The following CSMD3 variants were observed in gnomAD, a reference collection of about 807,000 sequenced individuals.
CSMD3 encodes the protein CUB and sushi domain-containing protein 3.
In CSMD3, 177 loss-of-function variants were observed where a neutral mutation model predicts 435.2. The ratio of observed to expected loss-of-function variants is 0.41; its 90% CI spans 0.36 to 0.46. The LOEUF is 0.46. Among genes scored for constraint, CSMD3 ranks in the 20% least tolerant of loss-of-function variants. CSMD3 has a pLI of 0.34. For missense variants in CSMD3, 4,265 were observed against 4,504.6 expected, an observed-to-expected ratio of 0.95 and a Z score of 1.52; for synonymous variants, 1,656 against 1,520.5, an observed-to-expected ratio of 1.09 and a Z score of -2.07.
At chr8:112,838,983 A>G (rs1564012060) in intron 11 of CSMD3, among the ~76,000 whole-genome samples, 1 of 151,838 alleles carries the variant, frequency 6.6e-6, no homozygotes, top group Non-Finnish European at 1.5e-5. Flanking sequence ...AAAATAATAA[A>G]TATCTCATAT....
At chr8:113,188,730 C>A (rs1588235932) in intron 3 of CSMD3, among the ~76,000 whole-genome samples, 1 of 152,006 alleles carries the variant, frequency 6.6e-6, no homozygotes, top group Non-Finnish European at 1.5e-5. Flanking sequence ...ATAAAGCTTC[C>A]ATTAATAAAA....
Position 112,595,281 on chromosome 8 carries a change from C to T in CSMD3, c.3716-8046G>A, listed in dbSNP as rs1015785460. On this transcript the variant is annotated intron_variant, in intron 22 of 70. Coordinates refer to ENST00000297405, the MANE Select transcript of CSMD3 (RefSeq NM_198123.2). ...AGGGTATCAGCAATGGAAGATGAAACGAATGAAATGAAGCGAGAAGGGAAG... is the reference window on the plus strand; with the variant it reads ...AGGGTATCAGCAATGGAAGATGAAATGAATGAAATGAAGCGAGAAGGGAAG... 1.7e-4 allele frequency among the ~76,000 whole-genome samples: 26 copies of T among 151,728 alleles called. No homozygotes were observed. The East Asian group carries it at 2.9e-3, about 17-fold the overall frequency.
Position 112,265,392 on chromosome 8 carries a change from G to A in CSMD3, c.9688+19C>T, listed in dbSNP as rs2130408343. The A allele has an allele frequency of 6.3e-7, 1 of 1,575,236 alleles. No homozygotes were observed. Among genetic ancestry groups the A allele is most frequent in the Non-Finnish European group, 8.7e-7 (1 of 1,145,404 alleles). On this transcript the variant is annotated intron_variant, in intron 60 of 70. Coordinates refer to ENST00000297405, the MANE Select transcript of CSMD3 (RefSeq NM_198123.2). ...GTACTGGTTACCATTTTTAAATGTT[G>A]AAGAAATCATTATCATACCTCTACA... is the stretch of plus-strand genomic sequence containing the variant.
intron 13 of CSMD3, among the ~76,000 whole-genome samples, chr8:112,715,281 G>A (rs905506971): frequency 2.0e-5 from 3 of 152,058 alleles, no homozygotes; most frequent in South Asian, 4.1e-4. Context: ...TACCATCAGA[G>A]AATACTATAA....
At chr8:112,626,109 A>G (rs1834452883) in intron 22 of CSMD3, among the ~76,000 whole-genome samples, 1 of 152,146 alleles carries the variant, frequency 6.6e-6, no homozygotes, top group South Asian at 2.1e-4. Flanking sequence ...TAAAGACAAA[A>G]TATCAAAAAA....
At chr8:112,590,372 G>A (rs1343069140) in intron 22 of CSMD3, among the ~76,000 whole-genome samples, 1 of 151,808 alleles carries the variant, frequency 6.6e-6, no homozygotes, top group Non-Finnish European at 1.5e-5. Flanking sequence ...AATTAAAGGT[G>A]AAGGGAGAAG....
intron 32 of CSMD3, among the ~76,000 whole-genome samples, chr8:112,449,661 T>C (rs188016364): frequency 5.9e-4 from 90 of 152,344 alleles, no homozygotes; most frequent in Non-Finnish European, 1.0e-3. Flanking sequence ...ACCTGTCTCA[T>C]ATCTTATGGT....
intron 31 of CSMD3, among the ~76,000 whole-genome samples, chr8:112,492,264 A>G (rs1248074246): frequency 2.0e-5 from 3 of 152,110 alleles, no homozygotes; most frequent in Non-Finnish European, 4.4e-5. Flanking sequence ...TTTGCCTATT[A>G]TAGTACACAT....
chr8:113,286,820 T>TAATTTAAATTA (rs1341916321), intron 2 of CSMD3, among the ~76,000 whole-genome samples: 11 of 151,984 alleles, frequency 7.2e-5, no homozygotes, highest in Non-Finnish European at 1.5e-4. Context: ...AAGAGGTTAT[T>TAATTTAAATTA]AGCATATTGC....
intron 11 of CSMD3, among the ~76,000 whole-genome samples, chr8:112,840,581 G>C (rs1390950573): frequency 6.6e-6 from 1 of 151,646 alleles, no homozygotes; most frequent in Non-Finnish European, 1.5e-5. Context: ...TGTTTAAGGT[G>C]ATAAATATAA....
intron 35 of CSMD3, among the ~76,000 whole-genome samples, chr8:112,405,788 TC>T (rs1831801048): frequency 6.6e-6 from 1 of 152,088 alleles, no homozygotes; most frequent in South Asian, 2.1e-4. Flanking sequence ...GCAAAATATT[TC>T]CAGAAAAGTC....
At chr8:112,269,943 A>C (rs1415518883) in intron 59 of CSMD3, among the ~76,000 whole-genome samples, 2 of 152,186 alleles carry the variant, frequency 1.3e-5, no homozygotes, top group Non-Finnish European at 2.9e-5. Flanking sequence ...CCCACCCAGG[A>C]GGCAACTAGT....
chr8:112,529,007 G>A (rs185617507), intron 27 of CSMD3, among the ~76,000 whole-genome samples: 58 of 152,138 alleles, frequency 3.8e-4, no homozygotes, highest in African/African-American at 1.4e-3. Flanking sequence ...AAGCTTCCCT[G>A]CTGCTCAGAT....
chr8:112,542,427 C>CA (rs567705959), intron 27 of CSMD3, among the ~76,000 whole-genome samples: 172 of 149,534 alleles, frequency 1.2e-3, no homozygotes, highest in African/African-American at 3.7e-3. Flanking sequence ...AAGACTTTAT[C>CA]AAAAAAACTG....
At chr8:112,420,473 C>T (rs1812360767) in intron 32 of CSMD3, among the ~76,000 whole-genome samples, 2 of 151,974 alleles carry the variant, frequency 1.3e-5, no homozygotes, top group Non-Finnish European at 2.9e-5. Flanking sequence ...CCTGATTTTA[C>T]CCAAAAATAG....
intron 3 of CSMD3, among the ~76,000 whole-genome samples, chr8:113,208,115 T>C (rs1375141745): frequency 6.6e-6 from 1 of 152,166 alleles, no homozygotes; most frequent in Non-Finnish European, 1.5e-5. Flanking sequence ...GAAACGTTAT[T>C]TTAACCAAAA....
intron 32 of CSMD3, among the ~76,000 whole-genome samples, chr8:112,440,470 T>C (rs944342344): frequency 6.6e-6 from 1 of 152,122 alleles, no homozygotes. Context: ...GATCTACCAT[T>C]GTGGGATCTG....
chr8:112,505,916 T>A (rs936221417), intron 29 of CSMD3, among the ~76,000 whole-genome samples: 4 of 152,218 alleles, frequency 2.6e-5, no homozygotes, highest in African/African-American at 9.6e-5. Context: ...TCATGTAATA[T>A]GTCCTTCTAC....
At chr8:112,241,846 ACACACACACACG>A (rs1814194232) in intron 65 of CSMD3, 61 bp from the exon 66 acceptor site, 5 of 735,774 alleles carry the variant, frequency 6.8e-6, no homozygotes, top group East Asian at 2.7e-5. Context: ...ACACATGCGC[ACACACACACACG>A]CACACACACA....
Sources: gnomAD v4.1 joint callset for allele counts (sites outside exome capture counted in the v4.1 genomes callset) on GRCh38, gnomAD v4.1.1 for gene constraint, MANE v1.5 for transcripts, NCBI Gene and HGNC (gene_info 2026-07-23, HGNC 2026-07-21) for gene names.